SLC13A5: variants seen among roughly 807,000 people sequenced by gnomAD.
The protein encoded by SLC13A5 is Na(+)/citrate cotransporter.
A neutral mutation model predicts 56.5 loss-of-function variants in SLC13A5; 25 were observed. The ratio of observed to expected loss-of-function variants is 0.44; its 90% confidence interval spans 0.32 to 0.62. SLC13A5 has a LOEUF of 0.62. SLC13A5 is among the 20% of genes least tolerant of loss of function. SLC13A5 has a pLI of 0.04. For missense variants in SLC13A5, 649 were observed against 737.8 expected (o/e 0.88, Z 1.39); for synonymous variants, 307 against 301.5 (o/e 1.02, Z -0.19).
chr17:6,698,972 G>T (rs569526594), intron 6 of SLC13A5, among the ~76,000 whole-genome samples: 2 of 151,318 alleles, frequency 1.3e-5, no homozygotes, highest in Non-Finnish European at 2.9e-5. Flanking sequence ...GAACCCAGGT[G>T]GTGGAGGTTG....
chr17:6,713,238 G>C lies in SLC13A5; in HGVS notation c.96C>G (p.Pro32=). 2 of 1,613,878 alleles carry C rather than the reference G, an allele frequency of 1.2e-6. No individual in the cohort carries two copies. The highest frequency in any genetic ancestry group is 1.7e-6 in the Non-Finnish European group (2 of 1,179,890). The change falls in exon 1 of 12, where the codon CCC becomes CCG. Residue 32 remains proline (P), a synonymous_variant. Coordinates refer to ENST00000433363, the MANE Select transcript of SLC13A5 (RefSeq NM_177550.5). This position sits in a 1 kb window ranked among gnomAD's most constrained non-coding sequence, Gnocchi z 7.3. ...GCCTGGAGATGCAACTGACCTTGGCGGGCATCAGAATGACGAGTGGCAGCA... is the reference window on the plus strand; with the variant it reads ...GCCTGGAGATGCAACTGACCTTGGCCGGCATCAGAATGACGAGTGGCAGCA... ...LLLLPLVILM[P]AKFVRCAYVI...
In SLC13A5 at chr17:6,695,947, G is replaced by A; in HGVS notation, c.840-6C>T. 2 of 1,613,424 alleles carry A rather than the reference G, an allele frequency of 1.2e-6. No homozygotes were observed. Among genetic ancestry groups the A allele is most frequent in the East Asian group, 2.2e-5 (1 of 44,878 alleles). On this transcript the variant is annotated splice_polypyrimidine_tract_variant and splice_region_variant and intron_variant, in intron 6 of 11. Transcript: ENST00000433363. ...AGCCCCAGGACTTTTTAAAACTGGAGAATGCAAAGATGAGAGAAGGGCAGG... is the reference window on the plus strand; with the variant it reads ...AGCCCCAGGACTTTTTAAAACTGGAAAATGCAAAGATGAGAGAAGGGCAGG...
intron 6 of SLC13A5, among the ~76,000 whole-genome samples, chr17:6,700,744 G>A (rs935907635): frequency 3.9e-5 from 6 of 152,210 alleles, no homozygotes; most frequent in African/African-American, 1.4e-4. Flanking sequence ...CAGGGAAGCA[G>A]CATTTGAACT....
intron 1 of SLC13A5, among the ~76,000 whole-genome samples, chr17:6,708,726 G>A (rs957934488): frequency 2.0e-5 from 3 of 152,168 alleles, no homozygotes; most frequent in East Asian, 1.9e-4. Context: ...ATCCTGTCCC[G>A]GCAGCTCAGG....
chr17:6,697,039 G>C (rs1269121962), intron 6 of SLC13A5, among the ~76,000 whole-genome samples: 1 of 151,904 alleles, frequency 6.6e-6, no homozygotes, highest in Non-Finnish European at 1.5e-5. Flanking sequence ...GGGACCTCAG[G>C]TCTACACGGC....
intron 6 of SLC13A5, among the ~76,000 whole-genome samples, chr17:6,696,679 G>A (rs1352795508): frequency 6.6e-6 from 1 of 152,104 alleles, no homozygotes; most frequent in Non-Finnish European, 1.5e-5. Context: ...GGGGATAACT[G>A]GGGCCACTGT....
In SLC13A5 at chr17:6,710,575, C is replaced by T. The variant is rs555755149; in HGVS notation, c.102+2657G>A. On this transcript the variant is annotated intron_variant, in intron 1 of 11. Transcript: ENST00000433363. ...AAGGTTAACTGCCCCCTCACCTCCG[C>T]GCCACTATTTAGAAGCCCAGGAGGT... is the stretch of plus-strand genomic sequence containing the variant. 1.5e-4 allele frequency among the ~76,000 whole-genome samples: 23 copies of T among 152,286 alleles called. No homozygotes were observed. The East Asian group carries it at 2.9e-3, about 19-fold the overall frequency.
intron 9 of SLC13A5, among the ~76,000 whole-genome samples, chr17:6,691,511 G>C (rs1237145668): frequency 1.3e-5 from 2 of 152,224 alleles, no homozygotes; most frequent in African/African-American, 2.4e-5. Context: ...TCCAGGGAGA[G>C]AATGAAGTGT....
At position 6,711,410 on chromosome 17, in the gene SLC13A5, C is replaced by T. The variant is rs564910866; in HGVS notation, c.102+1822G>A. Among the ~76,000 whole-genome samples, 1 of 99,002 alleles carries T rather than the reference C, an allele frequency of 1.0e-5. No homozygotes were observed. The highest frequency in any genetic ancestry group is 2.8e-4 in the East Asian group (1 of 3,568). The allele number at this position is 99,002 out of a possible 152,430, so 64.9% of individuals were successfully genotyped here. A position where few individuals can be genotyped will look rare whatever the true frequency, so the allele number is the denominator to read the frequency against. On this transcript the variant is annotated intron_variant, in intron 1 of 11. Transcript: ENST00000433363. This position sits in a 1 kb window ranked among gnomAD's most constrained non-coding sequence, Gnocchi z 4.0. ...GTCCTCACTCAAAGGACAGCTTAAT[C>T]TCTCTCTCTCTCTCTCTTACACACA... is the stretch of plus-strand genomic sequence containing the variant.
In SLC13A5 at chr17:6,705,919, C is replaced by T. The variant is rs577640774; in HGVS notation, c.368+723G>A. The stretch of plus-strand genomic sequence containing the variant: ...TGTCCATGAGCAAATCACTTTATCC[C>T]TCTCTGCCTCCAATCCCTCATCCAC... On this transcript the variant is annotated intron_variant, in intron 3 of 11. Coordinates refer to ENST00000433363, the MANE Select transcript of SLC13A5 (RefSeq NM_177550.5). 2.0e-5 allele frequency among the ~76,000 whole-genome samples: 3 copies of T among 152,354 alleles called. No homozygotes were observed. The East Asian group carries it at 5.8e-4, about 29-fold the overall frequency.
intron 2 of SLC13A5, 67 bp from the exon 3 acceptor site, chr17:6,706,845 A>G: frequency 6.3e-7 from 1 of 1,595,424 alleles, no homozygotes; most frequent in Non-Finnish European, 8.6e-7. Context: ...CCCAGTCCCC[A>G]GATGCTGACT....
chr17:6,695,670 T>C (rs1973539579), intron 7 of SLC13A5, 56 bp downstream of exon 7: 2 of 1,581,118 alleles, frequency 1.3e-6, no homozygotes, highest in South Asian at 1.1e-5. Flanking sequence ...GGATTACATG[T>C]GTGAGCCAAC....
chr17:6,694,728 C>T (rs560995966), intron 7 of SLC13A5, among the ~76,000 whole-genome samples: 1 of 152,202 alleles, frequency 6.6e-6, no homozygotes, highest in Non-Finnish European at 1.5e-5. Context: ...CCCCTCTCAG[C>T]GTGCATTCTC....
intron 1 of SLC13A5, among the ~76,000 whole-genome samples, chr17:6,710,041 C>T (rs1289265116): frequency 6.6e-6 from 1 of 152,166 alleles, no homozygotes; most frequent in Non-Finnish European, 1.5e-5. Flanking sequence ...GGTTGACAGC[C>T]GCTGAACTAA....
intron 1 of SLC13A5, among the ~76,000 whole-genome samples, chr17:6,708,562 A>G (rs1481456380): frequency 6.6e-6 from 1 of 152,270 alleles, no homozygotes; most frequent in Non-Finnish European, 1.5e-5. Flanking sequence ...ATTTCTGGTC[A>G]CAAAAACATC....
In SLC13A5 at chr17:6,685,010, T is replaced by C. The variant is rs1355598649; in HGVS notation, c.*1197A>G. ...GAAGATTCCCACAGCCTCTCTGGAG[T>C]TGTTGCCCCACTTTGGGGTCTTTGT... On this transcript the variant is annotated 3_prime_UTR_variant, in exon 12 of 12. Coordinates refer to ENST00000433363, the MANE Select transcript of SLC13A5 (RefSeq NM_177550.5). This position sits in a 1 kb window ranked among gnomAD's most constrained non-coding sequence, Gnocchi z 4.2. 1 of 152,008 alleles carries C rather than the reference T, an allele frequency of 6.6e-6. No homozygotes were observed. Among genetic ancestry groups the C allele is most frequent in the Non-Finnish European group, 1.5e-5 (1 of 68,018 alleles). The allele number at this position is 152,008 out of a possible 1,614,324, so 9.4% of individuals were successfully genotyped here.
Position 6,687,312 on chromosome 17 carries a change from C to T in SLC13A5, c.1575+217G>A, listed in dbSNP as rs1597652744. The T allele has an allele frequency of 6.5e-6, 4 of 619,606 alleles. No individual in the cohort carries two copies. The East Asian group carries it at 9.9e-5, about 15-fold the overall frequency. The allele number at this position is 619,606 out of a possible 1,614,324, so 38.4% of individuals were successfully genotyped here. On this transcript the variant is annotated intron_variant, in intron 11 of 11. Coordinates refer to ENST00000433363, the MANE Select transcript of SLC13A5 (RefSeq NM_177550.5). The surrounding 1 kb of genome is among the most constrained non-coding windows in gnomAD (Gnocchi z 5.0). ...TTCTCCAGGTGGGAGAGTCTATAAC[C>T]CACCTCAGAGAAAGAACAGTGTGTG... is the stretch of plus-strand genomic sequence containing the variant.
chr17:6,700,871 C>T, intron 6 of SLC13A5, 133 bp downstream of exon 6: 4 of 1,320,584 alleles, frequency 3.0e-6, no homozygotes, highest in Non-Finnish European at 2.1e-6. Flanking sequence ...GGCAGACTAG[C>T]AGGAGACAGG....
chr17:6,703,500 A>G (rs576527029), intron 4 of SLC13A5, among the ~76,000 whole-genome samples: 1 of 152,306 alleles, frequency 6.6e-6, no homozygotes, highest in South Asian at 2.1e-4. Flanking sequence ...ATGGGAGCAG[A>G]GAGTGGAAGG....
Sources: allele counts gnomAD v4.1 joint callset (sites outside exome capture counted in the v4.1 genomes callset), GRCh38; gene constraint gnomAD v4.1.1; non-coding constraint Gnocchi (gnomAD v3.1); transcripts MANE v1.5; gene names NCBI Gene and HGNC (gene_info 2026-07-23, HGNC 2026-07-21).